Variants in GALNT16 observed in about 807,000 individuals in gnomAD.
The protein encoded by GALNT16 is UDP-GalNAc:polypeptide N-acetylgalactosaminyltransferase-like protein 1.
In GALNT16, 40 loss-of-function variants were observed where a neutral mutation model predicts 76.1. That is an observed-to-expected ratio of 0.53 (90% CI 0.41 to 0.68). GALNT16 has a LOEUF of 0.68. Ranked by LOEUF, GALNT16 falls within the 30% of genes least tolerant of loss-of-function variation. GALNT16 has a pLI of 0.00. For missense variants in GALNT16, 621 were observed against 731.9 expected (o/e 0.85, Z 1.75); for synonymous variants, 276 against 285.2 (o/e 0.97, Z 0.32).
At chr14:69,283,356 G>A (rs2044569012) in intron 1 of GALNT16, among the ~76,000 whole-genome samples, 2 of 152,182 alleles carry the variant, frequency 1.3e-5, no homozygotes, top group South Asian at 4.1e-4. Context: ...AATGTTGCCT[G>A]AATCGGAGGG....
At chr14:69,346,914 GC>G in intron 12 of GALNT16, 125 bp from the exon 13 acceptor site, 1 of 1,093,684 alleles carries the variant, frequency 9.1e-7, no homozygotes, top group Non-Finnish European at 1.4e-6. Context: ...TGGCCAGGCT[GC>G]TCCCGGGCCC....
chr14:69,276,384 T>C (rs747634144), intron 1 of GALNT16, among the ~76,000 whole-genome samples: 4 of 152,228 alleles, frequency 2.6e-5, no homozygotes, highest in Non-Finnish European at 4.4e-5. Context: ...AGTTTTTTTA[T>C]AAGAAAGAAG....
rs775466871 is a variant in GALNT16, at chr14:69,260,314, C to T, written c.24C>T (p.Ala8=). 9.3e-6 allele frequency: 15 copies of T among 1,612,864 alleles called. No homozygotes were observed. In the South Asian group the frequency reaches 9.9e-5, roughly 11 times the overall value. ...CCATGAGGAAGATCCGCGCCAATGC[C>T]ATCGCCATCCTGACCGTAGCCTGGA... The part of the protein sequence containing the change: MRKIRAN[A]IAILTVAWIL... The change falls in exon 1 of 15, where the codon GCC becomes GCT. Residue 8 remains alanine, a synonymous_variant. Coordinates refer to ENST00000448469, the MANE Select transcript of GALNT16 (RefSeq NM_001168368.2).
At chr14:69,344,607 T>C (rs2045537540) in intron 12 of GALNT16, among the ~76,000 whole-genome samples, 1 of 152,192 alleles carries the variant, frequency 6.6e-6, no homozygotes, top group South Asian at 2.1e-4. Flanking sequence ...GCTACCACGA[T>C]GACAGCTTAG....
rs1178655867 is a variant in GALNT16, at chr14:69,347,947, C to T, written c.1484C>T (p.Ser495Phe). Residue 495 changes from serine (S) to phenylalanine (F), a missense_variant, in exon 14 of 15, where the codon TCC becomes TTC. Coordinates refer to ENST00000448469, the MANE Select transcript of GALNT16 (RefSeq NM_001168368.2). ...CTGGCTGCCACCTCCACCTTAATGT[C>T]CTCCCCTGGATCCCCAGTCATACTG... ...KCLAATSTLM[S>F]SPGSPVILQM... 4 of 1,614,040 alleles carry T rather than the reference C, an allele frequency of 2.5e-6. No individual in the cohort carries two copies. Among genetic ancestry groups the T allele is most frequent in the Non-Finnish European group, 3.4e-6 (4 of 1,179,950 alleles).
intron 1 of GALNT16, among the ~76,000 whole-genome samples, chr14:69,281,239 T>G (rs753872483): frequency 6.6e-6 from 1 of 152,232 alleles, no homozygotes. Context: ...AGCTTGACAC[T>G]TTCTCTGATT....
At chr14:69,310,205 T>C (rs539896099) in intron 1 of GALNT16, among the ~76,000 whole-genome samples, 4 of 152,280 alleles carry the variant, frequency 2.6e-5, no homozygotes, top group African/African-American at 9.6e-5. Flanking sequence ...ATATAGGATA[T>C]AGATCTATAT....
At chr14:69,374,941 C>G in the GALNT16 span, among the ~76,000 whole-genome samples, 2 of 152,132 alleles carry the variant, frequency 1.3e-5, no homozygotes, top group Non-Finnish European at 2.9e-5. Flanking sequence ...CTCACTCCTG[C>G]GGAAATGACA....
chr14:69,266,963 C>G (rs2044348785), intron 1 of GALNT16, among the ~76,000 whole-genome samples: 1 of 152,228 alleles, frequency 6.6e-6, no homozygotes, highest in African/African-American at 2.4e-5. Flanking sequence ...TCTTTAGCAT[C>G]TTTCCTCTCC....
intron 1 of GALNT16, among the ~76,000 whole-genome samples, chr14:69,263,274 C>T (rs1050545229): frequency 2.6e-5 from 4 of 152,170 alleles, no homozygotes; most frequent in African/African-American, 9.7e-5. Flanking sequence ...TCAACTGTAA[C>T]CTCTAAGTAA....
chr14:69,287,150 T>C (rs1479026909), intron 1 of GALNT16, among the ~76,000 whole-genome samples: 1 of 152,246 alleles, frequency 6.6e-6, no homozygotes, highest in Non-Finnish European at 1.5e-5. Context: ...GGTCCATCTT[T>C]GTGCAATTAC....
the GALNT16 span, among the ~76,000 whole-genome samples, chr14:69,370,394 G>T: frequency 6.6e-6 from 1 of 152,230 alleles, no homozygotes; most frequent in Non-Finnish European, 1.5e-5. Flanking sequence ...TCCAGGTGGA[G>T]TGGAGCAGTG....
At chr14:69,322,907 AGCTGAGGTG>A (rs1306320455) in intron 2 of GALNT16, among the ~76,000 whole-genome samples, 1 of 145,530 alleles carries the variant, frequency 6.9e-6, no homozygotes, top group Non-Finnish European at 1.5e-5. Flanking sequence ...GAAAAAAGAA[AGCTGAGGTG>A]GCTCACGGGG....
intron 4 of GALNT16, among the ~76,000 whole-genome samples, 194 bp from the exon 5 acceptor site, chr14:69,325,768 T>C (rs1279876273): frequency 6.6e-6 from 1 of 152,144 alleles, no homozygotes; most frequent in Non-Finnish European, 1.5e-5. Context: ...CTGCCATAGG[T>C]ACAGGCACTC....
intron 1 of GALNT16, among the ~76,000 whole-genome samples, chr14:69,317,409 G>A (rs1343943723): frequency 6.6e-6 from 1 of 152,202 alleles, no homozygotes; most frequent in Non-Finnish European, 1.5e-5. Context: ...CTTGGGGTTG[G>A]CGGTTTCTTC....
At chr14:69,318,818 C>T (rs2045137810) in intron 1 of GALNT16, among the ~76,000 whole-genome samples, 1 of 152,232 alleles carries the variant, frequency 6.6e-6, no homozygotes, top group Non-Finnish European at 1.5e-5. Flanking sequence ...TTCCATTTCC[C>T]TGACCTAGAG....
downstream of GALNT16, chr14:69,355,206 T>C (rs989218973): frequency 6.6e-6 from 1 of 152,304 alleles, no homozygotes; most frequent in African/African-American, 2.4e-5. Context: ...CACTTTGCCG[T>C]GGGGCTGCTG....
the GALNT16 span, among the ~76,000 whole-genome samples, chr14:69,382,720 T>TC: frequency 1.5e-4 from 22 of 148,692 alleles, 1 homozygote; most frequent in Admixed American, 6.1e-4. Flanking sequence ...GCACCTGTAG[T>TC]CCCAGCTACT....
chr14:69,325,947 T>A lies in GALNT16; in HGVS notation c.503-15T>A. On this transcript the variant is annotated splice_polypyrimidine_tract_variant and intron_variant, in intron 4 of 14. Transcript: ENST00000448469. The stretch of plus-strand genomic sequence containing the variant: ...CCATGTCTAAATGAGCTTGCCTTCC[T>A]CTTTGCATCCTCAGCGGAAGACTGT... 6.2e-7 allele frequency: 1 copy of A among 1,610,762 alleles called. No homozygotes were observed. The highest frequency in any genetic ancestry group is 1.3e-5 in the African/African-American group (1 of 74,978).
Sources: gnomAD v4.1 joint callset for allele counts (sites outside exome capture counted in the v4.1 genomes callset) on GRCh38, gnomAD v4.1.1 for gene constraint, MANE v1.5 for transcripts, NCBI Gene and HGNC (gene_info 2026-07-23, HGNC 2026-07-21) for gene names.